PML: variants seen among roughly 807,000 people sequenced by gnomAD.
PML encodes PML nuclear body scaffold.
PML carries 28 observed loss-of-function variants against 65.2 expected under a neutral mutation model. The ratio of observed to expected loss-of-function variants is 0.43; its 90% CI spans 0.32 to 0.59. The LOEUF (loss-of-function observed/expected upper bound fraction) is 0.59. PML is among the 20% of genes least tolerant of loss of function. The probability of loss-of-function intolerance (pLI) is 0.08; values close to 1 mark genes in which losing one functional copy is unlikely to be tolerated. For missense variants in PML, 1,021 were observed against 1,203.4 expected, an observed-to-expected ratio of 0.85 and a Z score of 2.24; for synonymous variants, 500 against 508.8, an observed-to-expected ratio of 0.98 and a Z score of 0.23.
chr15:74,001,073 G>A (rs1341476095), intron 2 of PML, among the ~76,000 whole-genome samples: 1 of 152,084 alleles, frequency 6.6e-6, no homozygotes, highest in Non-Finnish European at 1.5e-5. Context: ...AGTTCATCCT[G>A]AGTTATCTTT....
At position 74,032,658 on chromosome 15, in the gene PML, C is replaced by T. The variant is rs1272365939; in HGVS notation, c.1341C>T (p.Pro447=). 5.6e-6 allele frequency: 9 copies of T among 1,614,028 alleles called. No individual in the cohort carries two copies. Among genetic ancestry groups the T allele is most frequent in the South Asian group, 2.2e-5 (2 of 91,092 alleles). ...CTATGGCTGTGGTACAGTCAGTGCC[C>T]GGGGCACACCCCGTGCCAGTGTACG... ...AQPMAVVQSV[P]GAHPVPVYAF... The change falls in exon 5 of 9, where the codon CCC becomes CCT. Residue 447 remains proline (P), a synonymous_variant. Transcript: ENST00000268058.
At chr15:74,034,911 G>A in intron 7 of PML, 1 of 1,440,304 alleles carries the variant, frequency 6.9e-7, no homozygotes, top group Non-Finnish European at 9.1e-7. Context: ...GGCCAGTGAA[G>A]GGGTGTCAGG....
intron 7 of PML, chr15:74,036,525 C>T: frequency 9.9e-7 from 1 of 1,012,446 alleles, no homozygotes; most frequent in Non-Finnish European, 1.3e-6. Flanking sequence ...CTTCCTCCCA[C>T]ACTCATGGGC....
chr15:74,031,028 C>T (rs1336697763), intron 4 of PML, among the ~76,000 whole-genome samples: 1 of 151,984 alleles, frequency 6.6e-6, no homozygotes, highest in Non-Finnish European at 1.5e-5. Flanking sequence ...GATTCTCCCA[C>T]CTCAGCCTCC....
intron 2 of PML, among the ~76,000 whole-genome samples, chr15:74,019,502 G>C (rs968184228): frequency 2.0e-5 from 3 of 152,094 alleles, no homozygotes; most frequent in African/African-American, 7.2e-5. Flanking sequence ...ATCTAAAAAG[G>C]TATGCAGTGA....
rs991436398 is a variant in PML, at chr15:74,010,112, C to T, written c.602+11636C>T. Among the ~76,000 whole-genome samples, 13 of 151,548 alleles carry T rather than the reference C, an allele frequency of 8.6e-5. No individual in the cohort carries two copies. In the East Asian group the frequency reaches 2.5e-3, roughly 29 times the overall value. On this transcript the variant is annotated intron_variant, in intron 2 of 8. Transcript: ENST00000268058. ...TACTGAAGCCTTGACCTCCCAGGCC[C>T]AAGTTATCCTCCCACCTCAGACCCC...
In PML at chr15:74,044,316, G is replaced by C. The variant is rs771816629; in HGVS notation, c.1957G>C (p.Val653Leu). The C allele has an allele frequency of 1.4e-5, 23 of 1,613,872 alleles. No individual in the cohort carries two copies. Among genetic ancestry groups the C allele is most frequent in the Non-Finnish European group, 4.2e-6 (5 of 1,179,888 alleles). Residue 653 changes from valine to leucine, a missense_variant, in exon 9 of 9, where the codon GTG becomes CTG. Transcript: ENST00000268058. The stretch of plus-strand genomic sequence containing the variant: ...CTTCTTCAGCATCTACTCCAAGGCC[G>C]TGTCCCTGGAGGTGGGGCTGCAGCA... ...EAFFSIYSKA[V>L]SLEVGLQHFL...
At chr15:74,015,233 A>G (rs1277406045) in intron 2 of PML, among the ~76,000 whole-genome samples, 1 of 152,198 alleles carries the variant, frequency 6.6e-6, no homozygotes, top group Non-Finnish European at 1.5e-5. Context: ...AGGCTCTAGA[A>G]TTACCCATCT....
In PML at chr15:74,043,319, G is replaced by A; in HGVS notation, c.1861+180G>A. Reference sequence around the variant, plus strand: ...CTCCTGGCGTGTCATTTGCTGGCTTGAATAAAGATGTCCGCCTTATCCAGT... The same window carrying A: ...CTCCTGGCGTGTCATTTGCTGGCTTAAATAAAGATGTCCGCCTTATCCAGT... On this transcript the variant is annotated intron_variant, in intron 8 of 8. Transcript: ENST00000268058. The surrounding 1 kb of genome is among the most constrained non-coding windows in gnomAD (Gnocchi z 4.3). The A allele has an allele frequency of 3.4e-6, 5 of 1,472,688 alleles. No individual in the cohort carries two copies. The highest frequency in any genetic ancestry group is 4.5e-6 in the Non-Finnish European group (5 of 1,119,216). 91.2% of individuals were successfully genotyped at this position (1,472,688 alleles called of 1,614,324 possible).
rs2071772221 is a variant in PML, at chr15:74,046,479, G to A, written c.*1471G>A. ...TACCCATACTGCAGCCCCATCCCAT[G>A]GGGCCCCTGAAGACCCACTGAGGAA... On this transcript the variant is annotated 3_prime_UTR_variant, in exon 9 of 9. Transcript: ENST00000268058. The A allele has an allele frequency of 4.3e-6, 1 of 232,694 alleles. No homozygotes were observed. The highest frequency in any genetic ancestry group is 8.5e-6 in the Non-Finnish European group (1 of 117,766). 14.4% of individuals were successfully genotyped at this position (232,694 alleles called of 1,614,324 possible). A position where few individuals can be genotyped will look rare whatever the true frequency, so the allele number is the denominator to read the frequency against.
chr15:74,007,823 C>T (rs1392816464), intron 2 of PML, among the ~76,000 whole-genome samples: 6 of 152,202 alleles, frequency 3.9e-5, no homozygotes, highest in African/African-American at 1.4e-4. Flanking sequence ...GACATAGCCC[C>T]TCCTTGAGAT....
chr15:74,023,563 A>G (rs1163626310), intron 3 of PML, among the ~76,000 whole-genome samples, 155 bp downstream of exon 3: 1 of 152,172 alleles, frequency 6.6e-6, no homozygotes, highest in African/African-American at 2.4e-5. Context: ...AGGGCACAGG[A>G]TAAGGGGGAG....
At position 74,035,185 on chromosome 15, in the gene PML, T is replaced by C. The variant is rs370195590; in HGVS notation, c.1710+655T>C. ...TGTATTGGAAAGTGCATGGAGCCCA[T>C]GGAGACCGCCGAGCCACAGTCCTCG... On this transcript the variant is annotated intron_variant, in intron 7 of 8. Transcript: ENST00000268058. This position sits in a 1 kb window ranked among gnomAD's most constrained non-coding sequence, Gnocchi z 4.1. 5 of 1,355,090 alleles carry C rather than the reference T, an allele frequency of 3.7e-6. No homozygotes were observed. The highest frequency in any genetic ancestry group is 3.5e-5 in the South Asian group (3 of 85,960). The allele number at this position is 1,355,090 out of a possible 1,614,324, so 83.9% of individuals were successfully genotyped here.
chr15:74,024,827 C>G, intron 3 of PML, 30 bp from the exon 4 acceptor site: 1 of 1,570,086 alleles, frequency 6.4e-7, no homozygotes, highest in South Asian at 1.1e-5. Context: ...ATGTCCTTGA[C>G]CTGCCTGTGA....
intron 2 of PML, 75 bp downstream of exon 2, chr15:73,998,551 A>G: frequency 7.7e-7 from 1 of 1,296,644 alleles, no homozygotes; most frequent in Non-Finnish European, 1.1e-6. Flanking sequence ...AGATCCAAAG[A>G]GTCACACAGC....
chr15:74,046,881 C>T lies in PML; in HGVS notation c.*1873C>T, dbSNP rs1324613019. 1 of 230,660 alleles carries T rather than the reference C, an allele frequency of 4.3e-6. No individual in the cohort carries two copies. Among genetic ancestry groups the T allele is most frequent in the African/African-American group, 2.2e-5 (1 of 45,304 alleles). The allele number at this position is 230,660 out of a possible 1,614,324, so 14.3% of individuals were successfully genotyped here. ...CCAGGCATAGGCTTGTGGCCACTTG[C>T]CCAGCACAACTGTGTTTTGTGGGGC... On this transcript the variant is annotated 3_prime_UTR_variant, in exon 9 of 9. Transcript: ENST00000268058.
Position 74,042,954 on chromosome 15 carries a change from C to T in PML, c.1711-35C>T. The T allele has an allele frequency of 1.2e-6, 2 of 1,612,892 alleles. No homozygotes were observed. The highest frequency in any genetic ancestry group is 1.7e-6 in the Non-Finnish European group (2 of 1,179,956). On this transcript the variant is annotated intron_variant, in intron 7 of 8. Coordinates refer to ENST00000268058, the MANE Select transcript of PML (RefSeq NM_033238.3). The surrounding 1 kb of genome is among the most constrained non-coding windows in gnomAD (Gnocchi z 5.3). ...CTGCACAGGTGCTTGCCTTGGCCCTCTGAATCCCTGACGCTTGGTTTTTCT... is the reference window on the plus strand; with the variant it reads ...CTGCACAGGTGCTTGCCTTGGCCCTTTGAATCCCTGACGCTTGGTTTTTCT...
intron 2 of PML, among the ~76,000 whole-genome samples, chr15:74,011,947 GAGTTGCAAA>G (rs2070351849): frequency 6.6e-6 from 1 of 152,176 alleles, no homozygotes; most frequent in African/African-American, 2.4e-5. Flanking sequence ...TGACTGCACT[GAGTTGCAAA>G]AAGAATTCTA....
chr15:74,021,861 G>A (rs2070849839), intron 2 of PML, among the ~76,000 whole-genome samples: 2 of 152,248 alleles, frequency 1.3e-5, no homozygotes, highest in South Asian at 4.1e-4. Flanking sequence ...AGCTATTAAA[G>A]AGAATACATC....
Sources: allele counts gnomAD v4.1 joint callset (sites outside exome capture counted in the v4.1 genomes callset), GRCh38; gene constraint gnomAD v4.1.1; non-coding constraint Gnocchi (gnomAD v3.1); transcripts MANE v1.5; gene names NCBI Gene and HGNC (gene_info 2026-07-23, HGNC 2026-07-21).